The following HERC1 variants were observed in gnomAD, a reference collection of about 807,000 sequenced individuals.
HERC1 encodes HECT and RLD domain containing E3 ubiquitin protein ligase family member 1, also known as probable E3 ubiquitin-protein ligase HERC1.
A neutral mutation model predicts 554.3 loss-of-function variants in HERC1; 160 were observed. That is an observed-to-expected ratio of 0.29 (90% CI 0.25 to 0.33). HERC1 has a LOEUF of 0.33. Among genes scored for constraint, HERC1 ranks in the 10% least tolerant of loss-of-function variants. The probability of loss-of-function intolerance (pLI) is 1.00; values close to 1 mark genes in which losing one functional copy is unlikely to be tolerated. For missense variants in HERC1, 4,919 were observed against 5,918.5 expected, an observed-to-expected ratio of 0.83 and a Z score of 5.54; for synonymous variants, 2,175 against 2,131.7, an observed-to-expected ratio of 1.02 and a Z score of -0.56.
At chr15:63,648,266 G>A (rs2069462691) in intron 54 of HERC1, 67 bp from the exon 55 acceptor site, 2 of 1,453,506 alleles carry the variant, frequency 1.4e-6, no homozygotes, top group African/African-American at 2.8e-5. Flanking sequence ...TTAAAAGACA[G>A]AGACTTTGAA....
chr15:63,622,493 C>T (rs779643013), intron 74 of HERC1, among the ~76,000 whole-genome samples: 64 of 151,788 alleles, frequency 4.2e-4, no homozygotes, highest in Non-Finnish European at 8.7e-4. Context: ...CCACCATGAC[C>T]GGCTAATTTT....
At position 63,680,532 on chromosome 15, in the gene HERC1, G is replaced by A. The variant is rs749886310; in HGVS notation, c.6465+5C>T. The A allele has an allele frequency of 5.0e-6, 8 of 1,613,174 alleles. No homozygotes were observed. The highest frequency in any genetic ancestry group is 4.5e-5 in the East Asian group (2 of 44,854). ...AATGTAATGCTTGTGAATGGGTGTC[G>A]GTACCTCTCCATTTTTCCCAAAAGA... On this transcript the variant is annotated splice_donor_5th_base_variant and intron_variant, in intron 35 of 77. Transcript: ENST00000443617. This position sits in a 1 kb window ranked among gnomAD's most constrained non-coding sequence, Gnocchi z 5.8.
intron 60 of HERC1, 149 bp from the exon 61 acceptor site, chr15:63,640,594 T>C: frequency 1.4e-6 from 1 of 702,656 alleles, no homozygotes; most frequent in Non-Finnish European, 2.3e-6. Context: ...TTAGAGTGAG[T>C]TGTACAGATA....
chr15:63,748,412 C>A, intron 10 of HERC1, among the ~76,000 whole-genome samples: 1 of 152,072 alleles, frequency 6.6e-6, no homozygotes, highest in Admixed American at 6.6e-5. Flanking sequence ...TGTCCACTCA[C>A]CTGAAAGCAG....
Position 63,713,455 on chromosome 15 carries a change from A to C in HERC1, c.4361T>G (p.Leu1454Ter). ...SVIHRCALLI[L>*]GVSPVIDELQ... ...CTCATCTATCACAGGACTTACTCCT[A>C]ATATTAACAGGGCACACCGATGGAT... Residue 1454 changes from leucine to a stop codon, truncating the protein, a stop_gained, in exon 23 of 78, where the codon TTA becomes TGA. Coordinates refer to ENST00000443617, the MANE Select transcript of HERC1 (RefSeq NM_003922.4). LOFTEE classifies it high-confidence loss of function. The C allele has an allele frequency of 6.2e-7, 1 of 1,613,996 alleles. No homozygotes were observed. Among genetic ancestry groups the C allele is most frequent in the Non-Finnish European group, 8.5e-7 (1 of 1,179,874 alleles).
intron 1 of HERC1, among the ~76,000 whole-genome samples, chr15:63,796,723 CA>C (rs1435813979): frequency 2.0e-5 from 3 of 152,128 alleles, no homozygotes; most frequent in Non-Finnish European, 2.9e-5. Context: ...CAACTTGAAG[CA>C]GAAGCTTTCA....
intron 1 of HERC1, among the ~76,000 whole-genome samples, chr15:63,787,298 A>G (rs1477783928): frequency 6.6e-6 from 1 of 151,814 alleles, no homozygotes; most frequent in Non-Finnish European, 1.5e-5. Context: ...GTGGGACTAC[A>G]GGCATGCACC....
At chr15:63,735,075 G>A (rs1289348409) in intron 12 of HERC1, among the ~76,000 whole-genome samples, 1 of 152,154 alleles carries the variant, frequency 6.6e-6, no homozygotes, top group African/African-American at 2.4e-5. Context: ...AATATTTAGT[G>A]TTGATTCTAT....
chr15:63,625,990 T>G lies in HERC1; in HGVS notation c.13270A>C (p.Asn4424His). 3 of 1,608,168 alleles carry G rather than the reference T, an allele frequency of 1.9e-6. No homozygotes were observed. Among genetic ancestry groups the G allele is most frequent in the Non-Finnish European group, 2.5e-6 (3 of 1,177,262 alleles). The change falls in exon 71 of 78, where the codon AAC (asparagine) becomes CAC (histidine). Residue 4424 changes from asparagine (N) to histidine (H), a missense_variant. This residue lies in a region of HERC1 where 410 missense variants were observed against 467.0 expected (regional missense o/e 0.88). Coordinates refer to ENST00000443617, the MANE Select transcript of HERC1 (RefSeq NM_003922.4). Reference protein sequence around the residue: ...SWRLLNLSPNNQNSTSHYNAG... With the variant: ...SWRLLNLSPNHQNSTSHYNAG... ...TTACCACGCCAGTCTGTTACCTGGTTGTTGGGGCTAAGGTTCAGCAGTCTC... is the reference window on the plus strand; with the variant it reads ...TTACCACGCCAGTCTGTTACCTGGTGGTTGGGGCTAAGGTTCAGCAGTCTC...
intron 2 of HERC1, among the ~76,000 whole-genome samples, chr15:63,765,175 C>T (rs993329478): frequency 4.6e-5 from 7 of 152,100 alleles, no homozygotes; most frequent in Admixed American, 6.6e-5. Flanking sequence ...ATCTACTGAG[C>T]GCCAGAGAAA....
chr15:63,642,766 A>C (rs1364305247), intron 59 of HERC1, among the ~76,000 whole-genome samples, 191 bp downstream of exon 59: 1 of 152,176 alleles, frequency 6.6e-6, no homozygotes, highest in Non-Finnish European at 1.5e-5. Flanking sequence ...TAGTAGAAAA[A>C]ACACTAGACT....
In HERC1 at chr15:63,630,481, G is replaced by A. The variant is rs1420207560; in HGVS notation, c.12951C>T (p.Ser4317=). 3.8e-5 allele frequency: 61 copies of A among 1,612,068 alleles called. No homozygotes were observed. The highest frequency in any genetic ancestry group is 5.0e-5 in the Non-Finnish European group (59 of 1,179,300). ...AAATATTTACCTGCCCTTCTGAATT[G>A]CTCCCCCAGGCATACACATCTCCAT... The part of the protein sequence containing the change: ...ASNGDVYAWG[S]NSEGQLGLGH... The change falls in exon 69 of 78, where the codon AGC becomes AGT. Residue 4317 remains serine, a synonymous_variant. Coordinates refer to ENST00000443617, the MANE Select transcript of HERC1 (RefSeq NM_003922.4).
At position 63,641,569 on chromosome 15, in the gene HERC1, C is replaced by G; in HGVS notation, c.11508G>C (p.Leu3836Phe). The G allele has an allele frequency of 6.2e-7, 1 of 1,607,594 alleles. No individual in the cohort carries two copies. The change falls in exon 60 of 78, where the codon TTG becomes TTC. Residue 3836 changes from leucine (L) to phenylalanine (F), a missense_variant. Coordinates refer to ENST00000443617, the MANE Select transcript of HERC1 (RefSeq NM_003922.4). ...TCAATCCCAGAACACCCTGCTGTTT[C>G]AATGCTGTCCTACAGGTTGCCAAAA... ...NHVLATCRTA[L>F]KQQGVLGLNM... is the part of the protein sequence containing the mutation.
At chr15:63,628,121 T>C (rs2068382370) in intron 70 of HERC1, among the ~76,000 whole-genome samples, 1 of 152,224 alleles carries the variant, frequency 6.6e-6, no homozygotes, top group African/African-American at 2.4e-5. Flanking sequence ...CCAGGCGCTG[T>C]GGCTCATGCC....
At chr15:63,704,139 C>A (rs72750986) in intron 25 of HERC1, among the ~76,000 whole-genome samples, 27,634 of 152,024 alleles carry the variant, frequency 0.18, 2,766 homozygotes, top group Non-Finnish European at 0.22. Context: ...ATTTTACTAT[C>A]ATTTAAAAGC....
At chr15:63,700,931 T>G (rs1567029468) in intron 25 of HERC1, among the ~76,000 whole-genome samples, 1 of 151,968 alleles carries the variant, frequency 6.6e-6, no homozygotes. Flanking sequence ...ACATTCTTTT[T>G]TCATTTCCTT....
chr15:63,634,004 A>G (rs1413848825), intron 66 of HERC1, 34 bp from the exon 67 acceptor site: 4 of 1,612,942 alleles, frequency 2.5e-6, no homozygotes, highest in Non-Finnish European at 3.4e-6. Flanking sequence ...AAGGCAAATC[A>G]CAAGACCTAA....
chr15:63,763,243 T>C (rs1462901755), intron 3 of HERC1, among the ~76,000 whole-genome samples: 1 of 152,188 alleles, frequency 6.6e-6, no homozygotes, highest in Admixed American at 6.5e-5. Context: ...AATTAGAATA[T>C]CATATTTTTG....
chr15:63,630,453 T>C lies in HERC1; in HGVS notation c.12966+13A>G. 3 of 1,606,270 alleles carry C rather than the reference T, an allele frequency of 1.9e-6. No individual in the cohort carries two copies. The highest frequency in any genetic ancestry group is 1.7e-6 in the Non-Finnish European group (2 of 1,176,434). ...TAGAATATGAGAAAGCAGCAAGCAA[T>C]ATAAATATTTACCTGCCCTTCTGAA... On this transcript the variant is annotated intron_variant, in intron 69 of 77. Transcript: ENST00000443617.
Sources: gnomAD v4.1 joint callset for allele counts (sites outside exome capture counted in the v4.1 genomes callset) on GRCh38, gnomAD v4.1.1 for gene constraint, gnomAD v4.1.1 regional missense constraint, Gnocchi (gnomAD v3.1) non-coding constraint, MANE v1.5 for transcripts, NCBI Gene and HGNC (gene_info 2026-07-23, HGNC 2026-07-21) for gene names.